The following NPSR1 variants were observed in gnomAD, a reference collection of about 807,000 sequenced individuals.
NPSR1 encodes neuropeptide S receptor 1, also known as neuropeptide S receptor.
NPSR1 carries 48 observed loss-of-function variants against 46.9 expected under a neutral mutation model. The observed-to-expected ratio is 1.02, with a 90% confidence interval of 0.81 to 1.30. The LOEUF (loss-of-function observed/expected upper bound fraction) is 1.30. NPSR1 is among the 50% of genes most tolerant of loss of function. NPSR1 has a pLI of 0.00. For missense variants in NPSR1, 450 were observed against 449.5 expected, an observed-to-expected ratio of 1.00 and a Z score of -0.01; for synonymous variants, 176 against 168.1, an observed-to-expected ratio of 1.05 and a Z score of -0.36.
At chr7:34,874,570 A>G (rs1791533580) in intron 8 of NPSR1, among the ~76,000 whole-genome samples, 1 of 152,208 alleles carries the variant, frequency 6.6e-6, no homozygotes, top group South Asian at 2.1e-4. Flanking sequence ...TGGGATGTTC[A>G]ATGAAACCTC....
At chr7:34,762,255 G>A (rs1160125793) in intron 2 of NPSR1, among the ~76,000 whole-genome samples, 3 of 152,184 alleles carry the variant, frequency 2.0e-5, no homozygotes, top group Non-Finnish European at 2.9e-5. Flanking sequence ...TAATTGAGCA[G>A]TAATGACTGA....
chr7:34,667,796 C>T (rs1791825042), intron 1 of NPSR1, among the ~76,000 whole-genome samples: 1 of 151,974 alleles, frequency 6.6e-6, no homozygotes, highest in Non-Finnish European at 1.5e-5. Flanking sequence ...CCAGGGCATT[C>T]AGCTTGGACT....
chr7:34,862,837 T>C (rs759129485), intron 8 of NPSR1, among the ~76,000 whole-genome samples: 2 of 151,776 alleles, frequency 1.3e-5, no homozygotes, highest in Non-Finnish European at 1.5e-5. Context: ...TAATATAGCC[T>C]CCTTTCTCTC....
At chr7:34,828,041 C>A (rs1380265667) in intron 5 of NPSR1, among the ~76,000 whole-genome samples, 1 of 152,160 alleles carries the variant, frequency 6.6e-6, no homozygotes, top group African/African-American at 2.4e-5. Flanking sequence ...GGCAAATTAC[C>A]AGTTTCAGGG....
intron 2 of NPSR1, among the ~76,000 whole-genome samples, chr7:34,715,413 G>A (rs1273059189): frequency 6.6e-6 from 1 of 152,164 alleles, no homozygotes; most frequent in Non-Finnish European, 1.5e-5. Context: ...CCTCACCTTG[G>A]CACCTCTACC....
intron 1 of NPSR1, among the ~76,000 whole-genome samples, chr7:34,662,516 C>A (rs1791507090): frequency 1.3e-5 from 2 of 152,162 alleles, no homozygotes; most frequent in Non-Finnish European, 2.9e-5. Flanking sequence ...CATGTCCCAA[C>A]CCCCAAATGT....
rs368025414 is a variant in NPSR1 at position 34,737,545 on chromosome 7, C to A, written c.281-40917C>A. Reference sequence around the variant, plus strand: ...AGTAAAGTGGCTCTGGTTTAAGTACCCTTCAGTAACTTTCATATTCTAAAC... The same window carrying A: ...AGTAAAGTGGCTCTGGTTTAAGTACACTTCAGTAACTTTCATATTCTAAAC... On this transcript the variant is annotated intron_variant, in intron 2 of 8. Transcript: ENST00000360581. Among the ~76,000 whole-genome samples the A allele has an allele frequency of 1.2e-4, 19 of 152,246 alleles. No homozygotes were observed. The South Asian group carries it at 3.7e-3, about 30-fold the overall frequency.
At chr7:34,744,333 T>A (rs558133018) in intron 2 of NPSR1, among the ~76,000 whole-genome samples, 9 of 152,322 alleles carry the variant, frequency 5.9e-5, no homozygotes, top group Admixed American at 5.9e-4. Context: ...ATTGTTGTTT[T>A]AAAATTTTAT....
At chr7:34,857,227 T>A (rs1163273782) in intron 8 of NPSR1, among the ~76,000 whole-genome samples, 2 of 151,734 alleles carry the variant, frequency 1.3e-5, no homozygotes, top group African/African-American at 2.4e-5. Flanking sequence ...TTCAGTAGAA[T>A]GCCAAGAGGA....
chr7:34,731,822 G>A (rs565994780), intron 2 of NPSR1, among the ~76,000 whole-genome samples: 1 of 152,174 alleles, frequency 6.6e-6, no homozygotes, highest in East Asian at 1.9e-4. Context: ...ATAGGCAGAT[G>A]AATAGAACGT....
chr7:34,745,307 G>A (rs1317132168), intron 2 of NPSR1, among the ~76,000 whole-genome samples: 1 of 151,974 alleles, frequency 6.6e-6, no homozygotes, highest in Non-Finnish European at 1.5e-5. Flanking sequence ...TGCTTTTTGA[G>A]TAATTTATTT....
intron 1 of NPSR1, among the ~76,000 whole-genome samples, chr7:34,680,419 C>G (rs1238400467): frequency 6.6e-6 from 1 of 151,982 alleles, no homozygotes; most frequent in Non-Finnish European, 1.5e-5. Flanking sequence ...ATATAAAACA[C>G]TTAGGAATAA....
At chr7:34,830,886 T>C (rs1019823318) in intron 5 of NPSR1, among the ~76,000 whole-genome samples, 3 of 152,164 alleles carry the variant, frequency 2.0e-5, no homozygotes, top group African/African-American at 7.2e-5. Flanking sequence ...GCTCCAGCCA[T>C]GGAACAAACA....
intron 1 of NPSR1, among the ~76,000 whole-genome samples, chr7:34,683,220 G>T (rs982464152): frequency 3.3e-5 from 5 of 152,038 alleles, no homozygotes; most frequent in Non-Finnish European, 5.9e-5. Flanking sequence ...GAGGCAGGTG[G>T]ATCACTAGGT....
chr7:34,682,102 C>T (rs1792670353), intron 1 of NPSR1, among the ~76,000 whole-genome samples: 1 of 152,294 alleles, frequency 6.6e-6, no homozygotes, highest in East Asian at 1.9e-4. Context: ...CTGCTCATAG[C>T]CAAGCTCATG....
intron 3 of NPSR1, among the ~76,000 whole-genome samples, chr7:34,784,653 T>G (rs945303884): frequency 3.3e-5 from 5 of 152,190 alleles, no homozygotes; most frequent in African/African-American, 1.2e-4. Flanking sequence ...CTCTTTTTTT[T>G]GTTGTGTCTC....
chr7:34,709,948 C>A (rs943687225), intron 2 of NPSR1, among the ~76,000 whole-genome samples: 8 of 152,148 alleles, frequency 5.3e-5, no homozygotes, highest in African/African-American at 1.9e-4. Flanking sequence ...TTATCAGCAC[C>A]TTCTGGGCTA....
At chr7:34,778,733 A>G (rs1232908413) in intron 3 of NPSR1, among the ~76,000 whole-genome samples, 168 bp downstream of exon 3, 1 of 152,200 alleles carries the variant, frequency 6.6e-6, no homozygotes, top group Non-Finnish European at 1.5e-5. Flanking sequence ...TTCCTTTGCT[A>G]AAAATAGTAT....
At chr7:34,681,062 C>T (rs957521975) in intron 1 of NPSR1, among the ~76,000 whole-genome samples, 1 of 151,470 alleles carries the variant, frequency 6.6e-6, no homozygotes, top group East Asian at 1.9e-4. Flanking sequence ...TCAGGCAGAT[C>T]GTCTGCATAG....
Sources: allele counts gnomAD v4.1 joint callset (sites outside exome capture counted in the v4.1 genomes callset), GRCh38; gene constraint gnomAD v4.1.1; transcripts MANE v1.5; gene names NCBI Gene and HGNC (gene_info 2026-07-23, HGNC 2026-07-21).